Variants in PTPRZ1 observed in about 807,000 individuals in gnomAD.
PTPRZ1 encodes receptor-type tyrosine-protein phosphatase zeta.
A neutral mutation model predicts 214.1 loss-of-function variants in PTPRZ1; 82 were observed. The ratio of observed to expected loss-of-function variants is 0.38; its 90% CI spans 0.32 to 0.46. The LOEUF (loss-of-function observed/expected upper bound fraction) is 0.46. Among genes scored for constraint, PTPRZ1 ranks in the 20% least tolerant of loss-of-function variants. The pLI is 1.00. For missense variants in PTPRZ1, 2,603 were observed against 2,748.7 expected, an observed-to-expected ratio of 0.95 and a Z score of 1.19; for synonymous variants, 945 against 987.9, an observed-to-expected ratio of 0.96 and a Z score of 0.81.
intron 8 of PTPRZ1, among the ~76,000 whole-genome samples, chr7:121,995,427 C>T (rs1416083241): frequency 6.6e-6 from 1 of 152,112 alleles, no homozygotes; most frequent in Non-Finnish European, 1.5e-5. Flanking sequence ...TACTCTGCTT[C>T]GTTAGTAAAA....
Position 122,051,288 on chromosome 7 carries a change from T to A in PTPRZ1, c.6085-140T>A, listed in dbSNP as rs75507341. 6.1e-4 allele frequency: 299 copies of A among 488,968 alleles called. 3 individuals are homozygous for A. In the East Asian group the frequency reaches 1.0e-2, roughly 16 times the overall value. 30.3% of individuals were successfully genotyped at this position (488,968 alleles called of 1,614,324 possible). A position where few individuals can be genotyped will look rare whatever the true frequency, so the allele number is the denominator to read the frequency against. ...AACAAGGTTAAATTCAAGGAATTGT[T>A]GGAAAACATTTCATATATATTTTTA... is the stretch of plus-strand genomic sequence containing the variant. On this transcript the variant is annotated intron_variant, in intron 23 of 29. Coordinates refer to ENST00000393386, the MANE Select transcript of PTPRZ1 (RefSeq NM_002851.3).
intron 2 of PTPRZ1, among the ~76,000 whole-genome samples, chr7:121,955,464 T>TG (rs1796675107): frequency 6.6e-6 from 1 of 151,824 alleles, no homozygotes; most frequent in Non-Finnish European, 1.5e-5. Flanking sequence ...TTTGTTTGTT[T>TG]TGTTCTGCAT....
chr7:122,037,542 T>A (rs931636672), intron 18 of PTPRZ1, among the ~76,000 whole-genome samples: 14 of 152,186 alleles, frequency 9.2e-5, no homozygotes. Flanking sequence ...CACCTGAATG[T>A]CAGCAGAACT....
rs145065019 is a variant in PTPRZ1 at position 122,060,970 on chromosome 7, T to A, written c.6808-110T>A. On this transcript the variant is annotated intron_variant, in intron 29 of 29. Transcript: ENST00000393386. ...TGAGTATAACAGTGCCCTTAACACATTGCCCTTTCATGAACAGTGCTGAAG... is the reference window on the plus strand; with the variant it reads ...TGAGTATAACAGTGCCCTTAACACAATGCCCTTTCATGAACAGTGCTGAAG... 2.4e-5 allele frequency: 25 copies of A among 1,043,910 alleles called. No individual in the cohort carries two copies. The East Asian group carries it at 6.8e-4, about 28-fold the overall frequency. The allele number at this position is 1,043,910 out of a possible 1,614,324, so 64.7% of individuals were successfully genotyped here.
chr7:122,037,631 T>C (rs1477672720), intron 18 of PTPRZ1, among the ~76,000 whole-genome samples: 1 of 152,122 alleles, frequency 6.6e-6, no homozygotes, highest in Non-Finnish European at 1.5e-5. Context: ...TTCAAATAAA[T>C]GAGTACATAA....
At chr7:122,005,285 T>G (rs1798452583) in intron 11 of PTPRZ1, among the ~76,000 whole-genome samples, 1 of 151,932 alleles carries the variant, frequency 6.6e-6, no homozygotes, top group African/African-American at 2.4e-5. Context: ...AGAAAATGAT[T>G]GTTTAATATC....
intron 13 of PTPRZ1, 62 bp downstream of exon 13, chr7:122,019,330 A>T: frequency 6.8e-7 from 1 of 1,470,302 alleles, no homozygotes; most frequent in Non-Finnish European, 9.4e-7. Flanking sequence ...CCCATATTTC[A>T]TCTGAAAGGT....
At chr7:121,933,713 A>G (rs1481914910) in intron 2 of PTPRZ1, among the ~76,000 whole-genome samples, 1 of 152,206 alleles carries the variant, frequency 6.6e-6, no homozygotes, top group African/African-American at 2.4e-5. Context: ...GGTTGTGTAT[A>G]GTATAGTTTG....
intron 8 of PTPRZ1, among the ~76,000 whole-genome samples, chr7:121,993,258 G>A (rs1798026397): frequency 6.6e-6 from 1 of 151,994 alleles, no homozygotes. Context: ...CTTCTAATAA[G>A]ATAATTGGGC....
chr7:121,930,602 T>C (rs1339324093), intron 2 of PTPRZ1, among the ~76,000 whole-genome samples: 1 of 152,174 alleles, frequency 6.6e-6, no homozygotes, highest in Admixed American at 6.5e-5. Context: ...TCTAAAAATC[T>C]AGTCAATTTG....
intron 1 of PTPRZ1, among the ~76,000 whole-genome samples, chr7:121,911,182 T>C (rs1413204647): frequency 6.6e-6 from 1 of 152,150 alleles, no homozygotes; most frequent in Non-Finnish European, 1.5e-5. Flanking sequence ...TAGTGCTTTC[T>C]TCTATTAAAA....
intron 1 of PTPRZ1, among the ~76,000 whole-genome samples, chr7:121,891,073 A>C (rs1048016846): frequency 6.6e-6 from 1 of 152,044 alleles, no homozygotes; most frequent in Non-Finnish European, 1.5e-5. Flanking sequence ...TCACCAAGGC[A>C]CATTCTTTTC....
At chr7:121,896,245 T>C (rs74875809) in intron 1 of PTPRZ1, among the ~76,000 whole-genome samples, 1,611 of 152,296 alleles carry the variant, frequency 0.011, 25 homozygotes, top group African/African-American at 0.035. Flanking sequence ...TATAGAATTG[T>C]TAATTATATG....
At chr7:122,019,618 T>C (rs1412855278) in intron 13 of PTPRZ1, among the ~76,000 whole-genome samples, 2 of 145,502 alleles carry the variant, frequency 1.4e-5, no homozygotes, top group African/African-American at 5.5e-5. Context: ...AAACATTTTT[T>C]ATATAATAAC....
chr7:121,937,142 C>T (rs1294051452), intron 2 of PTPRZ1, among the ~76,000 whole-genome samples: 1 of 152,172 alleles, frequency 6.6e-6, no homozygotes, highest in African/African-American at 2.4e-5. Flanking sequence ...TGCACGTATT[C>T]ATTCTTCAAT....
intron 23 of PTPRZ1, 90 bp from the exon 24 acceptor site, chr7:122,051,338 T>G: frequency 1.3e-6 from 1 of 748,150 alleles, no homozygotes; most frequent in Non-Finnish European, 2.2e-6. Flanking sequence ...TTGATTGGTG[T>G]GTGTGTGTGT....
intron 1 of PTPRZ1, among the ~76,000 whole-genome samples, chr7:121,907,859 T>C (rs1326972472): frequency 2.0e-5 from 3 of 152,114 alleles, no homozygotes; most frequent in Non-Finnish European, 4.4e-5. Flanking sequence ...TGATTATTTC[T>C]AAAAGTTACT....
At chr7:122,040,703 T>C in intron 20 of PTPRZ1, 113 bp from the exon 21 acceptor site, 1 of 746,802 alleles carries the variant, frequency 1.3e-6, no homozygotes, top group Non-Finnish European at 1.9e-6. Context: ...AATCAAGCTA[T>C]GATTCCTGAC....
At chr7:122,042,505 A>G (rs1799761098) in intron 21 of PTPRZ1, 103 bp from the exon 22 acceptor site, 1 of 1,181,712 alleles carries the variant, frequency 8.5e-7, no homozygotes, top group Non-Finnish European at 1.2e-6. Context: ...ACTCGCTTGA[A>G]GAAGGAAGTT....
Sources: allele counts gnomAD v4.1 joint callset (sites outside exome capture counted in the v4.1 genomes callset), GRCh38; gene constraint gnomAD v4.1.1; transcripts MANE v1.5; gene names NCBI Gene and HGNC (gene_info 2026-07-23, HGNC 2026-07-21).